RCOR1: variants seen among roughly 807,000 people sequenced by gnomAD.
The protein encoded by RCOR1 is REST corepressor 1.
RCOR1 carries 12 observed loss-of-function variants against 64.0 expected under a neutral mutation model. The observed-to-expected ratio is 0.19, with a 90% confidence interval of 0.12 to 0.30. RCOR1 has a LOEUF of 0.30. RCOR1 is among the 10% of genes least tolerant of loss of function. The probability of loss-of-function intolerance (pLI) is 1.00; values close to 1 mark genes in which losing one functional copy is unlikely to be tolerated. For missense variants in RCOR1, 502 were observed against 621.2 expected, an observed-to-expected ratio of 0.81 and a Z score of 2.04; for synonymous variants, 279 against 227.2, an observed-to-expected ratio of 1.23 and a Z score of -2.05.
rs1484891526 is a variant in RCOR1, at chr14:102,669,383, TAG to T, written c.362-12507_362-12506del. ...AGTTGCTTCTGACTTCCTCATTTTA[TAG>T]AGAGTGAACTGTTGTCAGTTGAGAA... On this transcript the variant is annotated intron_variant, in intron 2 of 11. Transcript: ENST00000262241. Among the ~76,000 whole-genome samples the T allele has an allele frequency of 2.0e-5, 3 of 152,164 alleles. No homozygotes were observed. In the East Asian group the frequency reaches 5.8e-4, roughly 29 times the overall value.
At chr14:102,617,513 A>C (rs1017247167) in intron 2 of RCOR1, among the ~76,000 whole-genome samples, 5 of 150,848 alleles carry the variant, frequency 3.3e-5, no homozygotes, top group African/African-American at 1.2e-4. Context: ...CAAGAGTTTG[A>C]GCTTGCAGTA....
chr14:102,604,015 G>A (rs1487479396), intron 2 of RCOR1, among the ~76,000 whole-genome samples: 2 of 152,114 alleles, frequency 1.3e-5, no homozygotes, highest in Non-Finnish European at 2.9e-5. Flanking sequence ...ATTTGACTAG[G>A]AAGGGATAAA....
chr14:102,730,113 G>A lies in RCOR1; in HGVS notation c.*3607G>A, dbSNP rs1008846320. The A allele has an allele frequency of 2.3e-5, 9 of 398,418 alleles. No individual in the cohort carries two copies. The highest frequency in any genetic ancestry group is 1.9e-4 in the African/African-American group (9 of 48,646). The allele number at this position is 398,418 out of a possible 1,614,324, so 24.7% of individuals were successfully genotyped here. On this transcript the variant is annotated 3_prime_UTR_variant, in exon 12 of 12. Coordinates refer to ENST00000262241, the MANE Select transcript of RCOR1 (RefSeq NM_015156.4). The stretch of plus-strand genomic sequence containing the variant: ...GCAGAGGCTATGCATGTTGTGTGAT[G>A]ATGAGTGTTTACAGCCACCTTCTCC...
At chr14:102,667,833 T>C (rs1407835818) in intron 2 of RCOR1, among the ~76,000 whole-genome samples, 3 of 152,148 alleles carry the variant, frequency 2.0e-5, no homozygotes, top group Non-Finnish European at 4.4e-5. Flanking sequence ...AGTGATAGTG[T>C]TAATTTTTTT....
At chr14:102,643,361 A>C in intron 2 of RCOR1, 1 of 958,648 alleles carries the variant, frequency 1.0e-6, no homozygotes, top group Non-Finnish European at 1.2e-6. Flanking sequence ...AGAAAGGTAA[A>C]AACATTGAGA....
Position 102,730,170 on chromosome 14 carries a change from T to C in RCOR1, c.*3664T>C. The C allele has an allele frequency of 2.5e-6, 1 of 397,682 alleles. No individual in the cohort carries two copies. Among genetic ancestry groups the C allele is most frequent in the Non-Finnish European group, 4.4e-6 (1 of 225,720 alleles). The allele number at this position is 397,682 out of a possible 1,614,324, so 24.6% of individuals were successfully genotyped here. A position where few individuals can be genotyped will look rare whatever the true frequency, so the allele number is the denominator to read the frequency against. ...GAAATTTATACCGGGGTGGATAGTA[T>C]TCCATTAGGTAGACTTATCGACTTT... On this transcript the variant is annotated 3_prime_UTR_variant, in exon 12 of 12. Coordinates refer to ENST00000262241, the MANE Select transcript of RCOR1 (RefSeq NM_015156.4).
chr14:102,592,980 GCCGCCGCCT>G lies in RCOR1; in HGVS notation c.96_104del (p.Ser35_Ala37del), dbSNP rs1318005013. ...CTCCGCCTCCGCCGCCGCCGCCTCCGCCGCCGCCTCGGCCGCCTGCGCCTCGCCAGCCGC... is the reference window on the plus strand; with the variant it reads ...CTCCGCCTCCGCCGCCGCCGCCTCCGCGGCCGCCTGCGCCTCGCCAGCCGC... On this transcript the variant is annotated inframe_deletion, in exon 1 of 12. Coordinates refer to ENST00000262241, the MANE Select transcript of RCOR1 (RefSeq NM_015156.4). 6.9e-6 allele frequency: 8 copies of G among 1,156,676 alleles called. No homozygotes were observed. Among genetic ancestry groups the G allele is most frequent in the African/African-American group, 1.7e-5 (1 of 60,500 alleles). 71.7% of individuals were successfully genotyped at this position (1,156,676 alleles called of 1,614,324 possible).
intron 2 of RCOR1, among the ~76,000 whole-genome samples, chr14:102,641,724 C>T (rs1230225880): frequency 6.6e-6 from 1 of 152,134 alleles, no homozygotes; most frequent in African/African-American, 2.4e-5. Context: ...AGGAAAGTGA[C>T]GCTTGCACAA....
At chr14:102,714,870 A>T (rs1172527247) in intron 8 of RCOR1, among the ~76,000 whole-genome samples, 1 of 152,154 alleles carries the variant, frequency 6.6e-6, no homozygotes, top group Non-Finnish European at 1.5e-5. Flanking sequence ...TCATATTTAT[A>T]TTATATATGT....
At chr14:102,640,783 AAACCCCGTCTT>A (rs530751426) in intron 2 of RCOR1, among the ~76,000 whole-genome samples, 1,536 of 152,020 alleles carry the variant, frequency 0.01, 16 homozygotes, top group Admixed American at 0.015. Context: ...CAACATAGTG[AAACCCCGTCTT>A]ACAGAAAATT....
At chr14:102,652,480 C>G (rs1390477831) in intron 2 of RCOR1, among the ~76,000 whole-genome samples, 1 of 144,784 alleles carries the variant, frequency 6.9e-6, no homozygotes, top group Non-Finnish European at 1.5e-5. Flanking sequence ...TGTCCTCAAA[C>G]GCCCTGTTTT....
At chr14:102,594,478 G>C (rs989640103) in intron 2 of RCOR1, among the ~76,000 whole-genome samples, 5 of 152,192 alleles carry the variant, frequency 3.3e-5, no homozygotes, top group African/African-American at 1.2e-4. Context: ...GCACTTTGAA[G>C]TGAAAATACA....
chr14:102,653,958 TCTTTCTTTCTTTCTTTCTTTC>T lies in RCOR1; in HGVS notation c.362-27936_362-27916del, dbSNP rs1567423336. Among the ~76,000 whole-genome samples the T allele has an allele frequency of 5.2e-4, 29 of 55,332 alleles. 1 individual carries two copies. The highest frequency in any genetic ancestry group is 1.9e-3 in the African/African-American group (15 of 7,718). The allele number at this position is 55,332 out of a possible 152,430, so 36.3% of individuals were successfully genotyped here. A position where few individuals can be genotyped will look rare whatever the true frequency, so the allele number is the denominator to read the frequency against. On this transcript the variant is annotated intron_variant, in intron 2 of 11. Coordinates refer to ENST00000262241, the MANE Select transcript of RCOR1 (RefSeq NM_015156.4). ...TTCTTTCTTTCTTTCTTTCTTTCTT[TCTTTCTTTCTTTCTTTCTTTC>T]TTTCTTTTTTTTTTTTTTTTTTTTG...
At chr14:102,685,006 T>C (rs1466467410) in intron 3 of RCOR1, among the ~76,000 whole-genome samples, 1 of 152,146 alleles carries the variant, frequency 6.6e-6, no homozygotes, top group Non-Finnish European at 1.5e-5. Flanking sequence ...TTAGGACATA[T>C]TTCTAGCAGA....
chr14:102,615,517 C>T (rs1332784756), intron 2 of RCOR1, among the ~76,000 whole-genome samples: 11 of 146,796 alleles, frequency 7.5e-5, no homozygotes, highest in Admixed American at 6.2e-4. Context: ...GGTGCGATCT[C>T]GGCTCACCGC....
intron 2 of RCOR1, among the ~76,000 whole-genome samples, chr14:102,625,797 C>T (rs935683364): frequency 2.6e-5 from 4 of 152,118 alleles, no homozygotes; most frequent in South Asian, 2.1e-4. Flanking sequence ...CTTTCTGTTA[C>T]GTAGTCTAGT....
rs1161325606 is a variant in RCOR1 at position 102,677,318 on chromosome 14, G to A, written c.362-4577G>A. Among the ~76,000 whole-genome samples, 4 of 127,914 alleles carry A rather than the reference G, an allele frequency of 3.1e-5. 1 individual carries two copies. Among genetic ancestry groups the A allele is most frequent in the South Asian group, 2.4e-4 (1 of 4,150 alleles). The allele number at this position is 127,914 out of a possible 152,430, so 83.9% of individuals were successfully genotyped here. A position where few individuals can be genotyped will look rare whatever the true frequency, so the allele number is the denominator to read the frequency against. ...GAGCCCCTCACCTCCCGGACGGGGCGGCTGGCCGGGCAGGGGGCTGACCCC... is the reference window on the plus strand; with the variant it reads ...GAGCCCCTCACCTCCCGGACGGGGCAGCTGGCCGGGCAGGGGGCTGACCCC... On this transcript the variant is annotated intron_variant, in intron 2 of 11. Coordinates refer to ENST00000262241, the MANE Select transcript of RCOR1 (RefSeq NM_015156.4).
rs368377940 is a variant in RCOR1 at position 102,713,107 on chromosome 14, C to T, written c.859-1316C>T. On this transcript the variant is annotated intron_variant, in intron 7 of 11. Transcript: ENST00000262241. The stretch of plus-strand genomic sequence containing the variant: ...TAGCTGGGATTACAGGGGCCCGCAA[C>T]CATGCCTGGCTAATTTTTGTATTTT... Among the ~76,000 whole-genome samples the T allele has an allele frequency of 1.6e-3, 242 of 150,954 alleles. 2 individuals are homozygous for T. The highest frequency in any genetic ancestry group is 5.5e-3 in the African/African-American group (225 of 41,092).
At position 102,711,523 on chromosome 14, in the gene RCOR1, A is replaced by C. The variant is rs368645283; in HGVS notation, c.858+510A>C. Among the ~76,000 whole-genome samples, 381 of 152,322 alleles carry C rather than the reference A, an allele frequency of 2.5e-3. 2 individuals carry two copies. The highest frequency in any genetic ancestry group is 6.8e-3 in the Middle Eastern group (2 of 294). ...TCTCACATGGTGACTGTTTCATCTTATCATTTTAAAAAATCATTATACAAG... is the reference window on the plus strand; with the variant it reads ...TCTCACATGGTGACTGTTTCATCTTCTCATTTTAAAAAATCATTATACAAG... On this transcript the variant is annotated intron_variant, in intron 7 of 11. Transcript: ENST00000262241.
Sources: allele counts gnomAD v4.1 joint callset (sites outside exome capture counted in the v4.1 genomes callset), GRCh38; gene constraint gnomAD v4.1.1; transcripts MANE v1.5; gene names NCBI Gene and HGNC (gene_info 2026-07-23, HGNC 2026-07-21).